HUWE1: variants seen among roughly 807,000 people sequenced by gnomAD.
HUWE1 encodes the protein HECT, UBA and WWE domain containing E3 ubiquitin protein ligase 1.
A neutral mutation model predicts 299.4 loss-of-function variants in HUWE1; 18 were observed. The ratio of observed to expected loss-of-function variants is 0.06; its 90% CI spans 0.04 to 0.09. The LOEUF (loss-of-function observed/expected upper bound fraction) is 0.09, where lower values mean the gene tolerates loss of function less well. Ranked by LOEUF, HUWE1 falls within the 10% of genes least tolerant of loss-of-function variation. The pLI is 1.00. For missense variants in HUWE1, 1,832 were observed against 3,462.3 expected (o/e 0.53, Z 11.82); for synonymous variants, 1,317 against 1,286.1 (o/e 1.02, Z -0.51).
At chrX:53,563,040 T>C in intron 52 of HUWE1, 111 bp from the exon 53 acceptor site, 1 of 615,778 alleles carries the variant, frequency 1.6e-6, no homozygotes, top group Non-Finnish European at 2.7e-6. Context: ...TTTTTTTGGA[T>C]GAGGGAGAAG....
At chrX:53,552,486 C>T (rs782058779) in intron 62 of HUWE1, 45 bp from the exon 63 acceptor site, 33 of 1,207,810 alleles carry the variant, frequency 2.7e-5, no homozygotes, top group Non-Finnish European at 3.5e-5. Context: ...TATGTCTTCT[C>T]GTTTATAAAA....
At chrX:53,545,769 T>A (rs782473940) in intron 70 of HUWE1, among the ~76,000 whole-genome samples, 1 of 110,762 alleles carries the variant, frequency 9.0e-6, no homozygotes, top group Non-Finnish European at 1.9e-5. Flanking sequence ...CACCCCAGAC[T>A]TAGGGACATG....
At position 53,577,210 on chromosome X, in the gene HUWE1, C is replaced by G. The variant is rs181439963; in HGVS notation, c.5717-143G>C. The G allele has an allele frequency of 3.6e-4, 181 of 498,127 alleles. No homozygotes were observed. In the African/African-American group the frequency reaches 4.1e-3, roughly 11 times the overall value. The allele number at this position is 498,127 out of a possible 1,213,427, so 41.1% of individuals were successfully genotyped here. A position where few individuals can be genotyped will look rare whatever the true frequency, so the allele number is the denominator to read the frequency against. The stretch of plus-strand genomic sequence containing the variant: ...TTTCAATTAATGTTCAAGTACTCTA[C>G]TATAAAACCTGGTTTATACTTTCCT... On this transcript the variant is annotated intron_variant, in intron 43 of 83. Transcript: ENST00000262854.
chrX:53,603,323 C>T (rs377515884), intron 27 of HUWE1, 45 bp downstream of exon 27: 22 of 1,182,841 alleles, frequency 1.9e-5, no homozygotes, highest in South Asian at 1.8e-4. Context: ...CCAGGCTCAC[C>T]GAACTTAGAT....
intron 45 of HUWE1, among the ~76,000 whole-genome samples, 187 bp from the exon 46 acceptor site, chrX:53,575,408 T>G (rs1290435845): frequency 2.7e-5 from 3 of 110,071 alleles, no homozygotes; most frequent in Non-Finnish European, 5.7e-5. Context: ...TGGGAGACTG[T>G]GGGGGAGGCG....
chrX:53,578,369 C>T (rs1312547898), intron 43 of HUWE1, among the ~76,000 whole-genome samples: 1 of 104,434 alleles, frequency 9.6e-6, no homozygotes, highest in East Asian at 3.2e-4. Flanking sequence ...GGGGTCAGCC[C>T]CCCGCCCGGC....
chrX:53,655,095 C>G (rs1557042323), intron 3 of HUWE1, among the ~76,000 whole-genome samples: 1 of 111,105 alleles, frequency 9.0e-6, no homozygotes, highest in African/African-American at 3.3e-5. Flanking sequence ...TCCTCCAAAG[C>G]ACAAGAAGAA....
At chrX:53,636,069 C>T (rs1472530744) in intron 7 of HUWE1, among the ~76,000 whole-genome samples, 1 of 112,325 alleles carries the variant, frequency 8.9e-6, no homozygotes, top group Non-Finnish European at 1.9e-5. Context: ...ACTAGCACCA[C>T]CTTAGATGCA....
intron 21 of HUWE1, among the ~76,000 whole-genome samples, chrX:53,616,330 TTAGTA>T (rs2065800690): frequency 9.0e-6 from 1 of 111,351 alleles, no homozygotes; most frequent in South Asian, 3.8e-4. Context: ...AGGAATCAGT[TTAGTA>T]AACTATTTTA....
At chrX:53,597,887 G>A (rs2064584687) in intron 29 of HUWE1, among the ~76,000 whole-genome samples, 1 of 110,037 alleles carries the variant, frequency 9.1e-6, no homozygotes, top group Non-Finnish European at 1.9e-5. Flanking sequence ...CACTGAAGAT[G>A]CCATCATTGT....
intron 2 of HUWE1, chrX:53,684,306 C>T (rs1489898431): frequency 7.9e-6 from 1 of 126,879 alleles, no homozygotes; most frequent in Non-Finnish European, 1.6e-5. Flanking sequence ...TATCGCGAGA[C>T]CTGGTGCACA....
At chrX:53,607,742 T>C in intron 24 of HUWE1, 43 bp from the exon 25 acceptor site, 1 of 884,585 alleles carries the variant, frequency 1.1e-6, no homozygotes, top group Non-Finnish European at 1.6e-6. Context: ...GCCTGACAGG[T>C]GGAACTAAAT....
At chrX:53,629,146 G>A (rs782812752) in intron 13 of HUWE1, among the ~76,000 whole-genome samples, 1 of 111,196 alleles carries the variant, frequency 9.0e-6, no homozygotes, top group South Asian at 3.8e-4. Context: ...AGGCAAACAA[G>A]TATAAGCCTG....
intron 74 of HUWE1, 147 bp from the exon 75 acceptor site, chrX:53,539,959 C>T (rs1299606117): frequency 2.0e-6 from 1 of 501,131 alleles, no homozygotes; most frequent in African/African-American, 2.4e-5. Context: ...ACATCTGAAA[C>T]AAGGTCTAGG....
chrX:53,592,352 ATT>A, intron 33 of HUWE1, 44 bp downstream of exon 33: 1 of 960,691 alleles, frequency 1.0e-6, no homozygotes, highest in Non-Finnish European at 1.5e-6. Flanking sequence ...ATCACACTCC[ATT>A]GGGTGCAAAG....
chrX:53,644,013 G>A (rs1448487082), intron 7 of HUWE1, among the ~76,000 whole-genome samples: 5 of 110,794 alleles, frequency 4.5e-5, no homozygotes, highest in East Asian at 2.8e-4. Flanking sequence ...TTGCAGAGAC[G>A]GGATTTCGCC....
chrX:53,556,729 C>G (rs1216655281), intron 60 of HUWE1, among the ~76,000 whole-genome samples: 1 of 110,863 alleles, frequency 9.0e-6, no homozygotes, highest in Admixed American at 9.6e-5. Context: ...TTCCATGGAC[C>G]AATAAAATTT....
At position 53,631,585 on chromosome X, in the gene HUWE1, G is replaced by A. The variant is rs2066879987; in HGVS notation, c.675C>T (p.His225=). The A allele has an allele frequency of 8.3e-7, 1 of 1,199,210 alleles. No individual in the cohort carries two copies. Among genetic ancestry groups the A allele is most frequent in the Non-Finnish European group, 1.1e-6 (1 of 884,661 alleles). ...RTTSNTLHYI[H]IEQLDKISES... ...CTCTTACCTTGTCAAGTTGCTCTAT[G>A]TGAATATAATGTAGTGTGTTACTAG... Residue 225 remains histidine (H), a synonymous_variant, in exon 10 of 84, where the codon CAC becomes CAT. Coordinates refer to ENST00000262854, the MANE Select transcript of HUWE1 (RefSeq NM_031407.7).
intron 49 of HUWE1, among the ~76,000 whole-genome samples, chrX:53,566,153 A>G (rs971184377): frequency 1.0e-5 from 1 of 95,761 alleles, no homozygotes; most frequent in African/African-American, 3.8e-5. Flanking sequence ...ATATATATAT[A>G]TATATATATA....
Sources: allele counts gnomAD v4.1 joint callset (sites outside exome capture counted in the v4.1 genomes callset), GRCh38; gene constraint gnomAD v4.1.1; transcripts MANE v1.5; gene names NCBI Gene and HGNC (gene_info 2026-07-23, HGNC 2026-07-21).